The following PDS5A variants were observed in gnomAD, a reference collection of about 807,000 sequenced individuals.
PDS5A encodes the protein sister chromatid cohesion protein PDS5 homolog A.
In PDS5A, 42 loss-of-function variants were observed where a neutral mutation model predicts 167.1. That is an observed-to-expected ratio of 0.25 (90% CI 0.20 to 0.33). PDS5A has a LOEUF of 0.33. PDS5A is among the 10% of genes least tolerant of loss of function. The pLI, the probability that PDS5A is intolerant of heterozygous loss-of-function variation, is 1.00. For synonymous variants in PDS5A, 553 were observed against 554.6 expected (o/e 1.00, Z 0.04); for missense variants, 1,033 against 1,605.9 (o/e 0.64, Z 6.10).
intron 4 of PDS5A, among the ~76,000 whole-genome samples, chr4:39,926,244 G>A (rs780352857): frequency 1.9e-4 from 29 of 151,926 alleles, no homozygotes; most frequent in Non-Finnish European, 3.5e-4. Flanking sequence ...GATAGAGGCC[G>A]GGCCCGGTGG....
chr4:39,973,570 C>T lies in PDS5A; in HGVS notation c.138+2870G>A, dbSNP rs930284238. 4.7e-6 allele frequency: 6 copies of T among 1,285,314 alleles called. No individual in the cohort carries two copies. The African/African-American group carries it at 8.8e-5, about 19-fold the overall frequency. 79.6% of individuals were successfully genotyped at this position (1,285,314 alleles called of 1,614,324 possible). A position where few individuals can be genotyped will look rare whatever the true frequency, so the allele number is the denominator to read the frequency against. ...TGCAAAGGCTATGATGGAGGGTGGTCACAGCAAAGGGTTTGGTTTCGTATG... is the reference window on the plus strand; with the variant it reads ...TGCAAAGGCTATGATGGAGGGTGGTTACAGCAAAGGGTTTGGTTTCGTATG... On this transcript the variant is annotated intron_variant, in intron 2 of 32. Coordinates refer to ENST00000303538, the MANE Select transcript of PDS5A (RefSeq NM_001100399.2).
chr4:39,897,597 C>T (rs145827582), intron 16 of PDS5A, among the ~76,000 whole-genome samples: 10,820 of 152,026 alleles, frequency 0.071, 484 homozygotes, highest in Non-Finnish European at 0.1. Context: ...TGGGGTTTCA[C>T]CAAGTTGGCT....
rs543019835 is a variant in PDS5A, at chr4:39,865,609, T to C, written c.2642+1252A>G. Reference sequence around the variant, plus strand: ...GGCGTGATCTTGGCACACTGCAACCTCCACCTCCTGGGTTCAAGTGATTTT... The same window carrying C: ...GGCGTGATCTTGGCACACTGCAACCCCCACCTCCTGGGTTCAAGTGATTTT... On this transcript the variant is annotated intron_variant, in intron 23 of 32. Transcript: ENST00000303538. Among the ~76,000 whole-genome samples, 20 of 152,338 alleles carry C rather than the reference T, an allele frequency of 1.3e-4. No homozygotes were observed. The South Asian group carries it at 4.1e-3, about 32-fold the overall frequency.
intron 2 of PDS5A, among the ~76,000 whole-genome samples, chr4:39,930,246 A>AAAAAAAAAAAAAAAAAATTTT: frequency 1.1e-5 from 1 of 93,166 alleles, no homozygotes; most frequent in Non-Finnish European, 2.2e-5. Flanking sequence ...AAAAAAAAAA[A>AAAAAAAAAAAAAAAAAATTTT]GTTTTTTTGT....
chr4:39,839,384 A>C (rs763146436), intron 31 of PDS5A, among the ~76,000 whole-genome samples: 1 of 152,082 alleles, frequency 6.6e-6, no homozygotes, highest in African/African-American at 2.4e-5. Flanking sequence ...AGCCTGGTCA[A>C]GATGGTGAAA....
At chr4:39,930,433 T>C (rs1220950776) in intron 2 of PDS5A, among the ~76,000 whole-genome samples, 2 of 151,610 alleles carry the variant, frequency 1.3e-5, no homozygotes, top group Non-Finnish European at 2.9e-5. Context: ...AATCATACTT[T>C]TTCCCTAATT....
intron 29 of PDS5A, 89 bp from the exon 30 acceptor site, chr4:39,844,890 T>C (rs755807511): frequency 6.7e-6 from 9 of 1,337,944 alleles, no homozygotes; most frequent in Admixed American, 2.8e-5. Flanking sequence ...GTAAGAGATA[T>C]TGTTAAGTGC....
chr4:39,931,349 C>T (rs1411299238), intron 2 of PDS5A, among the ~76,000 whole-genome samples: 1 of 151,836 alleles, frequency 6.6e-6, no homozygotes, highest in Non-Finnish European at 1.5e-5. Flanking sequence ...TAACAAAATA[C>T]CCCAAAACTC....
chr4:39,876,640 A>C (rs1578651990), intron 19 of PDS5A, among the ~76,000 whole-genome samples: 1 of 152,226 alleles, frequency 6.6e-6, no homozygotes, highest in African/African-American at 2.4e-5. Flanking sequence ...ACAGTTATTG[A>C]ATTTATAACC....
intron 12 of PDS5A, among the ~76,000 whole-genome samples, 166 bp from the exon 13 acceptor site, chr4:39,902,626 G>A (rs1226932207): frequency 4.0e-5 from 6 of 151,380 alleles, no homozygotes; most frequent in Admixed American, 6.6e-5. Context: ...AGGTTCAAGC[G>A]ATTCTCCCAC....
At chr4:39,857,406 C>A (rs1718626070) in intron 26 of PDS5A, among the ~76,000 whole-genome samples, 1 of 149,642 alleles carries the variant, frequency 6.7e-6, no homozygotes, top group African/African-American at 2.5e-5. Context: ...AAAGAGAAGT[C>A]AGAAGGTTCA....
intron 19 of PDS5A, among the ~76,000 whole-genome samples, chr4:39,875,499 A>C (rs1720389727): frequency 6.6e-6 from 1 of 152,214 alleles, no homozygotes; most frequent in South Asian, 2.1e-4. Flanking sequence ...AGTTAGTGGC[A>C]TCAAATGCAA....
Position 39,937,448 on chromosome 4 carries a change from T to C in PDS5A, c.139-9284A>G, listed in dbSNP as rs143979808. Among the ~76,000 whole-genome samples, 982 of 152,222 alleles carry C rather than the reference T, an allele frequency of 6.5e-3. 27 individuals carry two copies. The East Asian group carries it at 0.066, about 10-fold the overall frequency. ...TTATTTTTTGAGAAAGGTTCTCACTTTGTCGCCCAGGCTGGACTGCAGTGG... is the reference window on the plus strand; with the variant it reads ...TTATTTTTTGAGAAAGGTTCTCACTCTGTCGCCCAGGCTGGACTGCAGTGG... On this transcript the variant is annotated intron_variant, in intron 2 of 32. Coordinates refer to ENST00000303538, the MANE Select transcript of PDS5A (RefSeq NM_001100399.2).
intron 32 of PDS5A, among the ~76,000 whole-genome samples, chr4:39,830,031 C>A (rs866138451): frequency 1.4e-4 from 19 of 140,580 alleles, no homozygotes; most frequent in Admixed American, 3.6e-4. Flanking sequence ...GGCAGACAGA[C>A]AATAAGTGAT....
chr4:39,890,220 T>C, intron 17 of PDS5A, 29 bp downstream of exon 17: 2 of 1,195,474 alleles, frequency 1.7e-6, no homozygotes, highest in Non-Finnish European at 2.4e-6. Context: ...TTATTATTTA[T>C]TTTTGAGCGA....
intron 26 of PDS5A, among the ~76,000 whole-genome samples, chr4:39,858,030 C>T (rs1435871626): frequency 6.6e-6 from 1 of 151,870 alleles, no homozygotes; most frequent in Non-Finnish European, 1.5e-5. Flanking sequence ...ACCCAGAAAA[C>T]TACAGAACAG....
chr4:39,895,265 A>G (rs558620892), intron 16 of PDS5A, among the ~76,000 whole-genome samples: 80 of 151,946 alleles, frequency 5.3e-4, no homozygotes, highest in African/African-American at 1.9e-3. Context: ...TGAACATTAG[A>G]GTGCACGCAC....
At chr4:39,938,886 C>T (rs940493282) in intron 2 of PDS5A, among the ~76,000 whole-genome samples, 6 of 151,926 alleles carry the variant, frequency 3.9e-5, no homozygotes, top group Non-Finnish European at 8.8e-5. Context: ...AGAAGAATCG[C>T]TTGAACCAGG....
intron 14 of PDS5A, among the ~76,000 whole-genome samples, chr4:39,899,725 C>A (rs76297231): frequency 0.074 from 11,173 of 151,696 alleles, 455 homozygotes; most frequent in Middle Eastern, 0.14. Flanking sequence ...GGAGCACACC[C>A]GTAGTCCCAG....
Sources: gnomAD v4.1 joint callset for allele counts (sites outside exome capture counted in the v4.1 genomes callset) on GRCh38, gnomAD v4.1.1 for gene constraint, MANE v1.5 for transcripts, NCBI Gene and HGNC (gene_info 2026-07-23, HGNC 2026-07-21) for gene names.